IFT80: variants seen among roughly 807,000 people sequenced by gnomAD.
The protein encoded by IFT80 is intraflagellar transport 80, also known as intraflagellar transport protein 80 homolog.
Under a neutral mutation model 107.9 loss-of-function variants are expected in IFT80, and 79 were observed. The ratio of observed to expected loss-of-function variants is 0.73; its 90% confidence interval spans 0.61 to 0.88. The LOEUF is 0.88. Among genes scored for constraint, IFT80 ranks in the 40% least tolerant of loss-of-function variants. The pLI, the probability that IFT80 is intolerant of heterozygous loss-of-function variation, is 0.00. For missense variants in IFT80, 797 were observed against 914.2 expected (o/e 0.87, Z 1.65); for synonymous variants, 299 against 300.9 (o/e 0.99, Z 0.07).
intron 9 of IFT80, among the ~76,000 whole-genome samples, chr3:160,318,551 C>T (rs1473746410): frequency 6.6e-6 from 1 of 151,986 alleles, no homozygotes; most frequent in Non-Finnish European, 1.5e-5. Context: ...AGGCACTGGG[C>T]TAGAGGCCCT....
Position 160,280,809 on chromosome 3 carries a change from T to C in IFT80, c.1522A>G (p.Met508Val), listed in dbSNP as rs747457756. The C allele has an allele frequency of 2.5e-6, 4 of 1,612,452 alleles. No homozygotes were observed. The highest frequency in any genetic ancestry group is 2.7e-5 in the African/African-American group (2 of 74,876). The stretch of plus-strand genomic sequence containing the variant: ...TCGTTCCATGCCAAAGTATGCACCA[T>C]TGTTCCTTAATTTAAAAAGAATGTT... Reference protein sequence around the residue: ...KEEQIIKLGTMVHTLAWNDTC... With the variant: ...KEEQIIKLGTVVHTLAWNDTC... Residue 508 changes from methionine (M) to valine (V), a missense_variant, in exon 15 of 20, where the codon ATG (methionine) becomes GTG (valine). By Grantham distance (21) the Met-to-Val change is conservative. Coordinates refer to ENST00000326448, the MANE Select transcript of IFT80 (RefSeq NM_020800.3).
chr3:160,341,507 G>T (rs1268025046), intron 8 of IFT80, among the ~76,000 whole-genome samples: 1 of 152,006 alleles, frequency 6.6e-6, no homozygotes, highest in Admixed American at 6.6e-5. Context: ...TACCAAAATA[G>T]GTGCACCTAC....
At position 160,340,082 on chromosome 3, in the gene IFT80, A is replaced by C. The variant is rs1056932587; in HGVS notation, c.777+15931T>G. On this transcript the variant is annotated intron_variant, in intron 8 of 19. Coordinates refer to ENST00000326448, the MANE Select transcript of IFT80 (RefSeq NM_020800.3). Reference sequence around the variant, plus strand: ...TTCACATGCTCTAAAGTCTGCTCTCAGCTAGCCAAGTTACTTAGAAAAGGA... The same window carrying C: ...TTCACATGCTCTAAAGTCTGCTCTCCGCTAGCCAAGTTACTTAGAAAAGGA... 2.6e-5 allele frequency among the ~76,000 whole-genome samples: 4 copies of C among 152,208 alleles called. No individual in the cohort carries two copies. In the East Asian group the frequency reaches 5.8e-4, roughly 22 times the overall value.
At chr3:160,317,056 T>C (rs992092933) in intron 9 of IFT80, among the ~76,000 whole-genome samples, 2 of 152,104 alleles carry the variant, frequency 1.3e-5, no homozygotes, top group African/African-American at 4.8e-5. Flanking sequence ...GCTGAATTTA[T>C]GAAAAAAACA....
chr3:160,384,531 A>G (rs771450494), intron 2 of IFT80, 33 bp downstream of exon 2: 2 of 1,414,702 alleles, frequency 1.4e-6, no homozygotes, highest in East Asian at 4.6e-5. Flanking sequence ...AATTAAGAAA[A>G]TCCAATAAGA....
intron 12 of IFT80, among the ~76,000 whole-genome samples, chr3:160,295,081 G>A (rs1715867260): frequency 6.6e-6 from 1 of 152,146 alleles, no homozygotes. Flanking sequence ...TTTTAAGACA[G>A]ACAGAACATA....
chr3:160,261,625 C>T (rs1309364575), intron 19 of IFT80, among the ~76,000 whole-genome samples: 1 of 150,074 alleles, frequency 6.7e-6, no homozygotes, highest in South Asian at 2.2e-4. Context: ...CATAGTGAGA[C>T]CCTGTCTATA....
chr3:160,331,072 T>G (rs913752089), intron 8 of IFT80, among the ~76,000 whole-genome samples: 1 of 152,184 alleles, frequency 6.6e-6, no homozygotes, highest in African/African-American at 2.4e-5. Flanking sequence ...TTTTTCTAAT[T>G]GAGAACTTTC....
At chr3:160,345,465 T>G (rs1720220613) in intron 8 of IFT80, among the ~76,000 whole-genome samples, 1 of 151,902 alleles carries the variant, frequency 6.6e-6, no homozygotes. Context: ...GGTGGGTGGA[T>G]CGCTTAAGGT....
At chr3:160,376,385 T>C (rs960863345) in intron 4 of IFT80, among the ~76,000 whole-genome samples, 3 of 152,210 alleles carry the variant, frequency 2.0e-5, no homozygotes, top group African/African-American at 7.2e-5. Flanking sequence ...GAGGGATTTC[T>C]ATTTCTTCTT....
intron 1 of IFT80, among the ~76,000 whole-genome samples, chr3:160,392,515 T>C (rs147273561): frequency 6.6e-6 from 1 of 152,368 alleles, no homozygotes; most frequent in African/African-American, 2.4e-5. Context: ...CCCATCTTGG[T>C]AAATGGCAAT....
chr3:160,275,475 A>G (rs1190514358), intron 18 of IFT80, among the ~76,000 whole-genome samples: 30 of 152,194 alleles, frequency 2.0e-4, no homozygotes, highest in Admixed American at 2.0e-3. Context: ...TATGGATTAT[A>G]TGCTTCCTGA....
chr3:160,356,222 TAAATA>T, intron 7 of IFT80, 72 bp from the exon 8 acceptor site: 1 of 1,248,236 alleles, frequency 8.0e-7, no homozygotes, highest in Non-Finnish European at 1.1e-6. Flanking sequence ...GAAAAATAAA[TAAATA>T]AAATAAAAAT....
intron 10 of IFT80, among the ~76,000 whole-genome samples, chr3:160,306,742 T>G (rs989880740): frequency 6.6e-6 from 1 of 152,232 alleles, no homozygotes; most frequent in Admixed American, 6.5e-5. Context: ...TTTAAATATA[T>G]AGTTGTAGCA....
chr3:160,395,836 T>A (rs1713731713), intron 1 of IFT80, among the ~76,000 whole-genome samples: 1 of 152,200 alleles, frequency 6.6e-6, no homozygotes, highest in Admixed American at 6.5e-5. Context: ...ATATTTGTTT[T>A]TTCTCAAGAC....
In IFT80 at chr3:160,278,143, T is replaced by C. The variant is rs185830722; in HGVS notation, c.1837-473A>G. On this transcript the variant is annotated intron_variant, in intron 16 of 19. Transcript: ENST00000326448. The stretch of plus-strand genomic sequence containing the variant: ...ATGAAAAGCAGCCCCCAAATCATTT[T>C]CTTTTCTAACAAAGAGCAGCCTGTA... Among the ~76,000 whole-genome samples, 27 of 152,354 alleles carry C rather than the reference T, an allele frequency of 1.8e-4. No individual in the cohort carries two copies. In the East Asian group the frequency reaches 5.0e-3, roughly 28 times the overall value.
chr3:160,385,555 A>G (rs1712862973), intron 1 of IFT80, among the ~76,000 whole-genome samples: 1 of 152,238 alleles, frequency 6.6e-6, no homozygotes, highest in Non-Finnish European at 1.5e-5. Flanking sequence ...TCTCATTCTC[A>G]TGAATCCAAG....
intron 1 of IFT80, chr3:160,394,353 A>C (rs956598518): frequency 2.0e-5 from 3 of 152,164 alleles, no homozygotes; most frequent in Admixed American, 6.5e-5. Flanking sequence ...TAATGTCTTA[A>C]GGACATTTAC....
intron 5 of IFT80, among the ~76,000 whole-genome samples, chr3:160,373,252 G>A (rs1366573513): frequency 6.6e-6 from 1 of 152,084 alleles, no homozygotes; most frequent in African/African-American, 2.4e-5. Context: ...ATGCTAATGG[G>A]CCAGATTAAG....
Sources: gnomAD v4.1 joint callset for allele counts (sites outside exome capture counted in the v4.1 genomes callset) on GRCh38, gnomAD v4.1.1 for gene constraint, MANE v1.5 for transcripts, NCBI Gene and HGNC (gene_info 2026-07-23, HGNC 2026-07-21) for gene names.